The following PFKFB3 variants were observed in gnomAD, a reference collection of about 807,000 sequenced individuals.
PFKFB3 encodes 6-phosphofructo-2-kinase/fructose-2,6-biphosphatase 3.
Under a neutral mutation model 68.0 loss-of-function variants are expected in PFKFB3, and 33 were observed. That is an observed-to-expected ratio of 0.49 (90% CI 0.37 to 0.65). The LOEUF (loss-of-function observed/expected upper bound fraction) is 0.65, where lower values mean the gene tolerates loss of function less well. Among genes scored for constraint, PFKFB3 ranks in the 30% least tolerant of loss-of-function variants. PFKFB3 has a pLI of 0.00. For missense variants in PFKFB3, 586 were observed against 712.2 expected, an observed-to-expected ratio of 0.82 and a Z score of 2.02; for synonymous variants, 315 against 288.2, an observed-to-expected ratio of 1.09 and a Z score of -0.94.
intron 1 of PFKFB3, among the ~76,000 whole-genome samples, chr10:6,206,824 C>G (rs1162156615): frequency 1.4e-4 from 3 of 21,100 alleles, no homozygotes; most frequent in African/African-American, 3.0e-4. Flanking sequence ...CAGAGACGCT[C>G]CTCACTTCCC....
chr10:6,262,348 A>AGG, the PFKFB3 span, among the ~76,000 whole-genome samples: 6 of 117,480 alleles, frequency 5.1e-5, no homozygotes, highest in South Asian at 1.9e-3. Context: ...CAGCTGCTCC[A>AGG]GAGGCTGAGG....
At chr10:6,298,417 C>T in the PFKFB3 span, among the ~76,000 whole-genome samples, 2 of 151,348 alleles carry the variant, frequency 1.3e-5, no homozygotes, top group Admixed American at 6.6e-5. Flanking sequence ...TTGCTCTTTG[C>T]CCAGGAATTC....
chr10:6,239,048 A>G (rs1178831596), downstream of PFKFB3, among the ~76,000 whole-genome samples: 1 of 152,114 alleles, frequency 6.6e-6, no homozygotes, highest in East Asian at 1.9e-4. Context: ...ATGTGTCTTC[A>G]TGGCGGAACA....
At chr10:6,306,775 C>T in the PFKFB3 span, among the ~76,000 whole-genome samples, 5,411 of 152,256 alleles carry the variant, frequency 0.036, 135 homozygotes, top group Middle Eastern at 0.15. Context: ...AAAGATGTAA[C>T]ACACTCATGT....
At chr10:6,201,704 G>C (rs969412300), upstream of PFKFB3, among the ~76,000 whole-genome samples, 1 of 152,118 alleles carries the variant, frequency 6.6e-6, no homozygotes, top group Non-Finnish European at 1.5e-5. The surrounding 1 kb of genome is among the most constrained non-coding windows in gnomAD (Gnocchi z 4.1). Context: ...GTTTCAGCGA[G>C]CGCCGCCTTC....
At chr10:6,314,585 C>T in the PFKFB3 span, among the ~76,000 whole-genome samples, 8 of 152,212 alleles carry the variant, frequency 5.3e-5, no homozygotes, top group African/African-American at 1.7e-4. Context: ...ATGATGACTT[C>T]TTCAACCCCC....
chr10:6,187,959 CTATCT>C (rs1842916991), intron 1 of PFKFB3, among the ~76,000 whole-genome samples: 3 of 133,550 alleles, frequency 2.2e-5, no homozygotes, highest in Non-Finnish European at 4.9e-5. Context: ...TTCTATCTAT[CTATCT>C]ATCTATCTAT....
At chr10:6,319,833 T>A in the PFKFB3 span, among the ~76,000 whole-genome samples, 1 of 152,222 alleles carries the variant, frequency 6.6e-6, no homozygotes, top group Non-Finnish European at 1.5e-5. Flanking sequence ...ATTAATTTGG[T>A]TTTATTTCCC....
At chr10:6,317,049 A>AC in the PFKFB3 span, among the ~76,000 whole-genome samples, 256 of 152,266 alleles carry the variant, frequency 1.7e-3, no homozygotes, top group African/African-American at 6.0e-3. Flanking sequence ...CCAGAAAAAA[A>AC]CAACCATACA....
chr10:6,216,907 C>A, intron 5 of PFKFB3, 127 bp downstream of exon 5: 1 of 825,294 alleles, frequency 1.2e-6, no homozygotes, highest in African/African-American at 1.7e-5. Context: ...CTCGGTCCCT[C>A]CCCTCCTGCT....
downstream of PFKFB3, among the ~76,000 whole-genome samples, chr10:6,259,196 C>CATTCATCT (rs1846516971): frequency 1.5e-5 from 2 of 135,018 alleles, no homozygotes; most frequent in Admixed American, 7.4e-5. Context: ...TCCATCCATC[C>CATTCATCT]ATCCATCCAT....
chr10:6,286,256 C>T, the PFKFB3 span, among the ~76,000 whole-genome samples: 242 of 150,862 alleles, frequency 1.6e-3, 9 homozygotes, highest in South Asian at 0.049. Flanking sequence ...GGATTACAGG[C>T]GTGAGCCACC....
chr10:6,237,897 C>T (rs189528624), downstream of PFKFB3, among the ~76,000 whole-genome samples: 9 of 151,896 alleles, frequency 5.9e-5, no homozygotes, highest in South Asian at 6.3e-4. Context: ...ATTTTAAGCT[C>T]ATATTTTGCA....
chr10:6,190,327 A>G (rs1273737872), intron 1 of PFKFB3, among the ~76,000 whole-genome samples: 1 of 152,234 alleles, frequency 6.6e-6, no homozygotes, highest in Admixed American at 6.5e-5. Context: ...TTACCCAGGG[A>G]TGACCTACAG....
the PFKFB3 span, among the ~76,000 whole-genome samples, chr10:6,310,312 G>T: frequency 1.3e-5 from 2 of 151,744 alleles, no homozygotes; most frequent in East Asian, 1.9e-4. Flanking sequence ...TTTTTTTGCC[G>T]TGTTAGTTAG....
chr10:6,255,385 A>G (rs1055665583), downstream of PFKFB3, among the ~76,000 whole-genome samples: 29 of 152,156 alleles, frequency 1.9e-4, no homozygotes, highest in South Asian at 1.2e-3. Context: ...CGGCCTCCCA[A>G]AGTGCTGGGA....
chr10:6,200,079 G>C (rs527819649), upstream of PFKFB3, among the ~76,000 whole-genome samples: 4 of 151,998 alleles, frequency 2.6e-5, no homozygotes, highest in South Asian at 8.3e-4. Context: ...CTCCTAATTG[G>C]CTTTCTTCTT....
chr10:6,147,145 G>T (rs1841416598), intron 1 of PFKFB3, among the ~76,000 whole-genome samples: 1 of 152,228 alleles, frequency 6.6e-6, no homozygotes, highest in Admixed American at 6.5e-5. Flanking sequence ...GTCTGAAGCT[G>T]CCTGGAGGGG....
intron 1 of PFKFB3, among the ~76,000 whole-genome samples, chr10:6,188,984 G>A (rs895079715): frequency 1.2e-4 from 18 of 151,796 alleles, no homozygotes; most frequent in South Asian, 2.1e-4. Flanking sequence ...ACAGGCGCCC[G>A]CCACCTTGCC....
Sources: allele counts gnomAD v4.1 joint callset (sites outside exome capture counted in the v4.1 genomes callset), GRCh38; gene constraint gnomAD v4.1.1; non-coding constraint Gnocchi (gnomAD v3.1); transcripts MANE v1.5; gene names NCBI Gene and HGNC (gene_info 2026-07-23, HGNC 2026-07-21).